The following SPTBN1 variants were observed in gnomAD, a reference collection of about 807,000 sequenced individuals.
SPTBN1 encodes the protein spectrin beta, non-erythrocytic 1.
Under a neutral mutation model 266.4 loss-of-function variants are expected in SPTBN1, and 32 were observed. The ratio of observed to expected loss-of-function variants is 0.12; its 90% CI spans 0.09 to 0.16. The LOEUF (loss-of-function observed/expected upper bound fraction) is 0.16, where lower values mean the gene tolerates loss of function less well. Ranked by LOEUF, SPTBN1 falls within the 10% of genes least tolerant of loss-of-function variation. The probability of loss-of-function intolerance (pLI) is 1.00; values close to 1 mark genes in which losing one functional copy is unlikely to be tolerated. For synonymous variants in SPTBN1, 1,336 were observed against 1,162.2 expected (o/e 1.15, Z -3.04); for missense variants, 2,296 against 3,067.1 (o/e 0.75, Z 5.94).
chr2:54,668,357 A>G lies in SPTBN1; in HGVS notation c.6883A>G (p.Met2295Val), dbSNP rs1306316685. The change falls in exon 36 of 36, where the codon ATG becomes GTG. Residue 2295 changes from methionine (M) to valine (V), a missense_variant. By Grantham distance (21) the Met-to-Val change is conservative. Transcript: ENST00000356805. ...TGTCCCTTCCTCTGTCCAGGAGGAA[A>G]TGAACACATGGATCCAGGCTATCTC... is the stretch of plus-strand genomic sequence containing the variant. ...YLFQAKDDEE[M>V]NTWIQAISSA... 1.2e-6 allele frequency: 2 copies of G among 1,614,122 alleles called. No individual in the cohort carries two copies. Among genetic ancestry groups the G allele is most frequent in the Non-Finnish European group, 1.7e-6 (2 of 1,180,008 alleles).
Position 54,670,405 on chromosome 2 carries a change from A to G in SPTBN1, c.*1836A>G, listed in dbSNP as rs1383447176. On this transcript the variant is annotated 3_prime_UTR_variant, in exon 36 of 36. Transcript: ENST00000356805. ...TCCAGTAAGTTATTCCACAAAGACCATGCCTAAGGTGGCATCAGCCCTGGG... is the reference window on the plus strand; with the variant it reads ...TCCAGTAAGTTATTCCACAAAGACCGTGCCTAAGGTGGCATCAGCCCTGGG... The G allele has an allele frequency of 9.5e-6, 3 of 315,778 alleles. No homozygotes were observed. The highest frequency in any genetic ancestry group is 1.7e-5 in the Non-Finnish European group (3 of 174,100). 19.6% of individuals were successfully genotyped at this position (315,778 alleles called of 1,614,324 possible). A position where few individuals can be genotyped will look rare whatever the true frequency, so the allele number is the denominator to read the frequency against.
At chr2:54,629,864 T>A (rs1371764906) in intron 14 of SPTBN1, 28 bp from the exon 15 acceptor site, 1 of 1,613,660 alleles carries the variant, frequency 6.2e-7, no homozygotes, top group Non-Finnish European at 8.5e-7. Context: ...GCCCAGGAGG[T>A]GACCACCCTG....
intron 1 of SPTBN1, among the ~76,000 whole-genome samples, chr2:54,508,921 CTTCT>C (rs1415248131): frequency 6.6e-6 from 1 of 152,148 alleles, no homozygotes; most frequent in Non-Finnish European, 1.5e-5. Flanking sequence ...AGTGAGGAAA[CTTCT>C]TTCTGCCTAT....
chr2:54,553,664 C>T (rs1192908505), intron 2 of SPTBN1, among the ~76,000 whole-genome samples: 1 of 152,300 alleles, frequency 6.6e-6, no homozygotes. Flanking sequence ...TTTTCTGTCC[C>T]TCCCTGTTCC....
chr2:54,500,103 A>G (rs966880567), intron 1 of SPTBN1, among the ~76,000 whole-genome samples: 1 of 152,222 alleles, frequency 6.6e-6, no homozygotes, highest in Non-Finnish European at 1.5e-5. Context: ...GAGAGAATGA[A>G]CAAATGTTTT....
chr2:54,670,986 T>G lies in SPTBN1; in HGVS notation c.*2417T>G, dbSNP rs1009781882. On this transcript the variant is annotated 3_prime_UTR_variant, in exon 36 of 36. Transcript: ENST00000356805. ...TTTTTTTTATTCTTCCACTATCATG[T>G]TTTTTGAGGATTTTGCATATTTCTT... 6 of 395,652 alleles carry G rather than the reference T, an allele frequency of 1.5e-5. No homozygotes were observed. Among genetic ancestry groups the G allele is most frequent in the Middle Eastern group, 6.3e-4 (1 of 1,598 alleles). The allele number at this position is 395,652 out of a possible 1,614,324, so 24.5% of individuals were successfully genotyped here.
chr2:54,596,043 A>T (rs1447457452), intron 2 of SPTBN1, among the ~76,000 whole-genome samples: 1 of 152,158 alleles, frequency 6.6e-6, no homozygotes, highest in Non-Finnish European at 1.5e-5. Flanking sequence ...GTAAGAAGCA[A>T]CCACGGTTGC....
intron 3 of SPTBN1, among the ~76,000 whole-genome samples, chr2:54,605,936 G>T (rs1430350599): frequency 1.3e-5 from 2 of 152,276 alleles, no homozygotes; most frequent in Admixed American, 1.3e-4. Context: ...CTGTGATGTG[G>T]CATTGAACTT....
chr2:54,494,908 G>GT (rs200669243), intron 1 of SPTBN1, among the ~76,000 whole-genome samples: 47 of 106,202 alleles, frequency 4.4e-4, no homozygotes, highest in Middle Eastern at 4.1e-3. Flanking sequence ...GAATAAAGCT[G>GT]TTTTTTTTTA....
chr2:54,580,627 T>G (rs1358695127), intron 2 of SPTBN1, among the ~76,000 whole-genome samples: 2 of 151,932 alleles, frequency 1.3e-5, no homozygotes, highest in African/African-American at 2.4e-5. Flanking sequence ...CTCCAAAATC[T>G]TCTCTCTTGC....
intron 7 of SPTBN1, among the ~76,000 whole-genome samples, chr2:54,620,372 A>T (rs545872695): frequency 1.2e-3 from 183 of 152,318 alleles, no homozygotes; most frequent in Non-Finnish European, 1.5e-3. Flanking sequence ...ATGGACCTTG[A>T]TGGATAGTAA....
chr2:54,558,958 C>T lies in SPTBN1; in HGVS notation c.148+32392C>T, dbSNP rs1673081451. On this transcript the variant is annotated intron_variant, in intron 2 of 35. Transcript: ENST00000356805. The surrounding 1 kb of genome is among the most constrained non-coding windows in gnomAD (Gnocchi z 4.6). Reference sequence around the variant, plus strand: ...GGTTCTTGGAGGCTTTATTTGTGACCCTAATGAAGACGGGCGGCTTCACAG... The same window carrying T: ...GGTTCTTGGAGGCTTTATTTGTGACTCTAATGAAGACGGGCGGCTTCACAG... 1 of 1,534,186 alleles carries T rather than the reference C, an allele frequency of 6.5e-7. No homozygotes were observed. The highest frequency in any genetic ancestry group is 8.8e-7 in the Non-Finnish European group (1 of 1,132,824).
chr2:54,646,263 G>A lies in SPTBN1; in HGVS notation c.4654G>A (p.Val1552Ile), dbSNP rs551497805. The change falls in exon 23 of 36, where the codon GTC becomes ATC. Residue 1552 changes from valine (V) to isoleucine (I), a missense_variant. Val to Ile is a conservative substitution (Grantham distance 29, BLOSUM62 3). Transcript: ENST00000356805. This position sits in a 1 kb window ranked among gnomAD's most constrained non-coding sequence, Gnocchi z 4.4. ...DDIFERSQNI[V>I]TDSSSLSAEA... ...CATCTTTGAGAGGAGCCAAAACATC[G>A]TCACTGACAGCAGCAGCCTCAGCGC... 1.3e-5 allele frequency: 21 copies of A among 1,614,088 alleles called. No homozygotes were observed. The highest frequency in any genetic ancestry group is 9.3e-5 in the African/African-American group (7 of 75,012).
chr2:54,550,275 G>A (rs1482901210), intron 2 of SPTBN1, among the ~76,000 whole-genome samples: 2 of 152,206 alleles, frequency 1.3e-5, no homozygotes, highest in Non-Finnish European at 2.9e-5. Flanking sequence ...TTATTCAGGG[G>A]CTGTGCCCAG....
At chr2:54,463,813 G>A (rs1186847134) in intron 1 of SPTBN1, among the ~76,000 whole-genome samples, 1 of 152,096 alleles carries the variant, frequency 6.6e-6, no homozygotes, top group Non-Finnish European at 1.5e-5. Flanking sequence ...TATTAAACCT[G>A]TTCCTATACA....
intron 3 of SPTBN1, among the ~76,000 whole-genome samples, chr2:54,600,216 TTTG>T (rs754734290): frequency 1.7e-4 from 26 of 152,228 alleles, no homozygotes; most frequent in Non-Finnish European, 1.0e-4. Context: ...CCTTGTCCTA[TTTG>T]TTATCAGCTC....
intron 2 of SPTBN1, among the ~76,000 whole-genome samples, chr2:54,559,742 C>T (rs1469890858): frequency 2.6e-5 from 4 of 152,054 alleles, no homozygotes; most frequent in African/African-American, 9.7e-5. Flanking sequence ...TTTGGAAGCC[C>T]CTGGAGTCAG....
At chr2:54,640,574 C>G (rs1572733340) in intron 18 of SPTBN1, among the ~76,000 whole-genome samples, 1 of 152,180 alleles carries the variant, frequency 6.6e-6, no homozygotes, top group Non-Finnish European at 1.5e-5. Flanking sequence ...TTGTTTGAGA[C>G]AGAGTCTCAC....
intron 3 of SPTBN1, among the ~76,000 whole-genome samples, chr2:54,602,014 C>G (rs1290971795): frequency 6.6e-6 from 1 of 152,212 alleles, no homozygotes; most frequent in Non-Finnish European, 1.5e-5. Context: ...TGGTTATGAT[C>G]TGTGTCCAGA....
Sources: allele counts gnomAD v4.1 joint callset (sites outside exome capture counted in the v4.1 genomes callset), GRCh38; gene constraint gnomAD v4.1.1; non-coding constraint Gnocchi (gnomAD v3.1); transcripts MANE v1.5; gene names NCBI Gene and HGNC (gene_info 2026-07-23, HGNC 2026-07-21).